Variants in GCAT observed in about 807,000 individuals in gnomAD.
GCAT encodes the protein glycine C-acetyltransferase.
Under a neutral mutation model 39.7 loss-of-function variants are expected in GCAT, and 26 were observed. The observed-to-expected ratio is 0.65, with a 90% CI of 0.48 to 0.91. GCAT has a LOEUF of 0.91. Ranked by LOEUF, GCAT falls within the 40% of genes least tolerant of loss-of-function variation. GCAT has a pLI of 0.00. For synonymous variants in GCAT, 218 were observed against 237.2 expected (o/e 0.92, Z 0.74); for missense variants, 550 against 576.2 (o/e 0.95, Z 0.47).
In GCAT at chr22:37,816,810, C is replaced by T; in HGVS notation, c.*92C>T. Reference sequence around the variant, plus strand: ...CAGCCCAGACCAGAGGCTCTGAGCCCTGAACCAAAGTCCCAGAGCTGGGCT... The same window carrying T: ...CAGCCCAGACCAGAGGCTCTGAGCCTTGAACCAAAGTCCCAGAGCTGGGCT... On this transcript the variant is annotated 3_prime_UTR_variant, in exon 9 of 9. Coordinates refer to ENST00000248924, the MANE Select transcript of GCAT (RefSeq NM_014291.4). The T allele has an allele frequency of 8.2e-6, 11 of 1,340,078 alleles. No individual in the cohort carries two copies. The highest frequency in any genetic ancestry group is 1.2e-5 in the Non-Finnish European group (11 of 955,030). The allele number at this position is 1,340,078 out of a possible 1,614,324, so 83.0% of individuals were successfully genotyped here. A position where few individuals can be genotyped will look rare whatever the true frequency, so the allele number is the denominator to read the frequency against.
At chr22:37,813,163 G>A (rs536134341) in intron 3 of GCAT, 175 bp downstream of exon 3, 2 of 638,606 alleles carry the variant, frequency 3.1e-6, no homozygotes, top group Admixed American at 5.1e-5. Flanking sequence ...GAATCCTGGG[G>A]CTTGCAGGGA....
chr22:37,809,947 A>G (rs760614141), intron 1 of GCAT, 80 bp from the exon 2 acceptor site: 7 of 1,571,828 alleles, frequency 4.5e-6, no homozygotes, highest in East Asian at 4.7e-5. Flanking sequence ...CCATTTCCCC[A>G]GGGCCTGGCA....
At position 37,815,721 on chromosome 22, in the gene GCAT, A is replaced by G. The variant is rs34340481; in HGVS notation, c.873A>G (p.Pro291=). 14,205 of 1,613,562 alleles carry G rather than the reference A, an allele frequency of 8.8e-3. 822 individuals carry two copies. In the African/African-American group the frequency reaches 0.14, roughly 16 times the overall value. ...CCCTGCTGCGGCAGCGCGCCCGGCC[A>G]TACCTCTTCTCCAACAGTCTGCCAC... is the stretch of plus-strand genomic sequence containing the variant. ...LVSLLRQRAR[P]YLFSNSLPPA... The change falls in exon 7 of 9, where the codon CCA becomes CCG. Residue 291 remains proline (P), a synonymous_variant. Coordinates refer to ENST00000248924, the MANE Select transcript of GCAT (RefSeq NM_014291.4).
chr22:37,816,663 A>G lies in GCAT; in HGVS notation c.1205A>G (p.Asp402Gly). ...GCAGTGCATAGCGAGGAAGACATTGACCGCTGCGTGGAGGCCTTCGTGGAA... is the reference window on the plus strand; with the variant it reads ...GCAGTGCATAGCGAGGAAGACATTGGCCGCTGCGTGGAGGCCTTCGTGGAA... Reference protein sequence around the residue: ...ISAVHSEEDIDRCVEAFVEVG... With the variant: ...ISAVHSEEDIGRCVEAFVEVG... Residue 402 changes from aspartate (D) to glycine (G), a missense_variant, in exon 9 of 9, where the codon GAC (aspartate) becomes GGC (glycine). Asp to Gly is a moderately conservative substitution (Grantham distance 94). Around this residue, in one of 3 missense-constraint regions of GCAT, gnomAD observed 378 missense variants for 390.4 expected, o/e 0.97. Coordinates refer to ENST00000248924, the MANE Select transcript of GCAT (RefSeq NM_014291.4). 1 of 1,613,998 alleles carries G rather than the reference A, an allele frequency of 6.2e-7. No homozygotes were observed. Among genetic ancestry groups the G allele is most frequent in the East Asian group, 2.2e-5 (1 of 44,872 alleles).
chr22:37,815,819 C>T lies in GCAT; in HGVS notation c.971C>T (p.Ala324Val). 1 of 1,614,014 alleles carries T rather than the reference C, an allele frequency of 6.2e-7. No homozygotes were observed. Among genetic ancestry groups the T allele is most frequent in the South Asian group, 1.1e-5 (1 of 91,082 alleles). ...AGTAACACCATTGTCCAGTCTATGG[C>T]TGCCAAGACCCAGAGGTGCGACTCC... Reference protein sequence around the residue: ...MGSNTIVQSMAAKTQRFRSKM... With the variant: ...MGSNTIVQSMVAKTQRFRSKM... Residue 324 changes from alanine (A) to valine (V), a missense_variant, in exon 7 of 9, where the codon GCT becomes GTT. This residue lies in a region of GCAT where 378 missense variants were observed against 390.4 expected (regional missense o/e 0.97). Coordinates refer to ENST00000248924, the MANE Select transcript of GCAT (RefSeq NM_014291.4).
chr22:37,816,014 G>A, intron 7 of GCAT, 180 bp downstream of exon 7: 4 of 437,912 alleles, frequency 9.1e-6, no homozygotes, highest in Non-Finnish European at 1.2e-5. Flanking sequence ...TATCCCTCCT[G>A]TCTTTCCACC....
intron 1 of GCAT, among the ~76,000 whole-genome samples, chr22:37,809,664 A>T (rs751824437): frequency 1.4e-4 from 21 of 152,126 alleles, no homozygotes; most frequent in Non-Finnish European, 2.4e-4. Flanking sequence ...TACAAAAAAT[A>T]AAAAAATTTA....
chr22:37,808,853 A>ATTTTTTTTT (rs1429021986), intron 1 of GCAT, among the ~76,000 whole-genome samples: 1 of 151,990 alleles, frequency 6.6e-6, no homozygotes, highest in African/African-American at 2.4e-5. Context: ...CACCCGGCTA[A>ATTTTTTTTT]TTTTTGTATT....
At chr22:37,813,343 CCT>C (rs1220123279) in intron 3 of GCAT, 118 bp from the exon 4 acceptor site, 4 of 1,117,150 alleles carry the variant, frequency 3.6e-6, no homozygotes, top group Admixed American at 2.0e-5. Flanking sequence ...GAACACCTTG[CCT>C]CTCTACCCAG....
At chr22:37,811,041 C>T (rs538939376) in intron 2 of GCAT, among the ~76,000 whole-genome samples, 27 of 152,308 alleles carry the variant, frequency 1.8e-4, no homozygotes, top group African/African-American at 6.0e-4. Flanking sequence ...GCTGTTCTGA[C>T]GGGAGCACAG....
In GCAT at chr22:37,808,934, G is replaced by A. The variant is rs573770089; in HGVS notation, c.196+771G>A. On this transcript the variant is annotated intron_variant, in intron 1 of 8. Coordinates refer to ENST00000248924, the MANE Select transcript of GCAT (RefSeq NM_014291.4). ...ACTCCTGACCTCAAGTGATCCTCCCGCCTCAGCCTCCCAAAGTGTTGGGAT... is the reference window on the plus strand; with the variant it reads ...ACTCCTGACCTCAAGTGATCCTCCCACCTCAGCCTCCCAAAGTGTTGGGAT... 6.5e-4 allele frequency among the ~76,000 whole-genome samples: 99 copies of A among 152,220 alleles called. 1 individual carries two copies. The highest frequency in any genetic ancestry group is 2.3e-3 in the African/African-American group (96 of 41,540).
At chr22:37,815,060 G>A in intron 4 of GCAT, 66 bp from the exon 5 acceptor site, 1 of 1,534,906 alleles carries the variant, frequency 6.5e-7, no homozygotes. Context: ...GCTCCAAGCA[G>A]CACAAGAGAC....
In GCAT at chr22:37,808,109, C is replaced by T; in HGVS notation, c.142C>T (p.Arg48Trp). 1.3e-6 allele frequency: 2 copies of T among 1,563,612 alleles called. No homozygotes were observed. Among genetic ancestry groups the T allele is most frequent in the African/African-American group, 1.4e-5 (1 of 71,692 alleles). Residue 48 changes from arginine to tryptophan, a missense_variant, in exon 1 of 9, where the codon CGG (arginine) becomes TGG (tryptophan). By Grantham distance (101) the Arg-to-Trp change is moderately radical (BLOSUM62 -3). Around this residue, in one of 3 missense-constraint regions of GCAT, gnomAD observed 154 missense variants for 141.9 expected, o/e 1.08. Coordinates refer to ENST00000248924, the MANE Select transcript of GCAT (RefSeq NM_014291.4). ...IRGAGTWKSE[R>W]VITSRQGPHI... ...CGGAGCTGGCACTTGGAAGAGTGAGCGGGTCATCACGTCCCGTCAGGGGCC... is the reference window on the plus strand; with the variant it reads ...CGGAGCTGGCACTTGGAAGAGTGAGTGGGTCATCACGTCCCGTCAGGGGCC...
chr22:37,810,669 C>T (rs886692740), intron 2 of GCAT, among the ~76,000 whole-genome samples: 4 of 152,102 alleles, frequency 2.6e-5, no homozygotes, highest in African/African-American at 9.7e-5. Context: ...GCGCCTACCA[C>T]CACTCCCGGC....
At chr22:37,809,803 G>A in intron 1 of GCAT, 1 of 620,024 alleles carries the variant, frequency 1.6e-6, no homozygotes, top group South Asian at 1.9e-5. Context: ...CTGGGCGACA[G>A]AGCTAGACCC....
chr22:37,813,216 G>C (rs554536681), intron 3 of GCAT: 1 of 655,270 alleles, frequency 1.5e-6, no homozygotes, highest in South Asian at 1.8e-5. Flanking sequence ...ACATCAGCTG[G>C]AAGGCTGGGG....
At chr22:37,808,275 C>A in intron 1 of GCAT, 112 bp downstream of exon 1, 1 of 832,494 alleles carries the variant, frequency 1.2e-6, no homozygotes, top group Non-Finnish European at 1.8e-6. Flanking sequence ...TGTTCCCCTT[C>A]GCATCTCTCA....
chr22:37,813,682 C>G, intron 4 of GCAT, 73 bp downstream of exon 4: 3 of 1,378,558 alleles, frequency 2.2e-6, no homozygotes, highest in Non-Finnish European at 2.9e-6. Context: ...GCCAACTCCT[C>G]ACTCACAGAG....
chr22:37,816,456 C>G (rs1922210777), intron 8 of GCAT, 111 bp from the exon 9 acceptor site: 2 of 1,529,402 alleles, frequency 1.3e-6, no homozygotes, highest in East Asian at 4.5e-5. Context: ...GCTTGAACAC[C>G]CCAAGCCATG....
Sources: allele counts gnomAD v4.1 joint callset (sites outside exome capture counted in the v4.1 genomes callset), GRCh38; gene constraint gnomAD v4.1.1; regional missense constraint gnomAD v4.1.1; transcripts MANE v1.5; gene names NCBI Gene and HGNC (gene_info 2026-07-23, HGNC 2026-07-21).